NCOA2: variants seen among roughly 807,000 people sequenced by gnomAD.
The protein encoded by NCOA2 is class E basic helix-loop-helix protein 75.
NCOA2 carries 21 observed loss-of-function variants against 145.1 expected under a neutral mutation model. That is an observed-to-expected ratio of 0.14 (90% confidence interval 0.10 to 0.21). The LOEUF is 0.21. Among genes scored for constraint, NCOA2 ranks in the 10% least tolerant of loss-of-function variants. The pLI is 1.00. For synonymous variants in NCOA2, 619 were observed against 637.5 expected (o/e 0.97, Z 0.44); for missense variants, 1,472 against 1,837.6 (o/e 0.80, Z 3.64).
chr8:70,400,653 G>GT, intron 1 of NCOA2, among the ~76,000 whole-genome samples: 1 of 152,040 alleles, frequency 6.6e-6, no homozygotes. Context: ...TACCTTCTCT[G>GT]TTTTTACTAT....
At chr8:70,159,244 T>TATATATATATATATATATATATATATA in intron 10 of NCOA2, among the ~76,000 whole-genome samples, 159 of 69,264 alleles carry the variant, frequency 2.3e-3, no homozygotes, top group Non-Finnish European at 3.8e-3. Flanking sequence ...ATATATATAT[T>TATATATATATATATATATATATATATA]TTTTTTTTTT....
chr8:70,253,338 G>A lies in NCOA2; in HGVS notation c.-19-36574C>T, dbSNP rs141097896. On this transcript the variant is annotated intron_variant, in intron 2 of 22. Transcript: ENST00000452400. ...CAAACACATATTCAGTACCAATGACGCATAAGGCACTAGGTCTCCAGAACA... is the reference window on the plus strand; with the variant it reads ...CAAACACATATTCAGTACCAATGACACATAAGGCACTAGGTCTCCAGAACA... Among the ~76,000 whole-genome samples, 9 of 152,078 alleles carry A rather than the reference G, an allele frequency of 5.9e-5. No homozygotes were observed. In the East Asian group the frequency reaches 1.2e-3, roughly 20 times the overall value.
chr8:70,252,786 T>G (rs557270566), intron 2 of NCOA2, among the ~76,000 whole-genome samples: 4 of 152,220 alleles, frequency 2.6e-5, no homozygotes, highest in Non-Finnish European at 5.9e-5. Context: ...ACAAATAGAA[T>G]TGTCGAAGAC....
At chr8:70,337,189 C>A (rs536562387) in intron 1 of NCOA2, among the ~76,000 whole-genome samples, 4 of 146,064 alleles carry the variant, frequency 2.7e-5, no homozygotes, top group African/African-American at 8.3e-5. Context: ...GCCTACCCAG[C>A]ACTGCTGAGG....
chr8:70,393,648 GCCAGGCCAGGTGTGC>G (rs1813403168), intron 1 of NCOA2, among the ~76,000 whole-genome samples: 2 of 152,252 alleles, frequency 1.3e-5, no homozygotes, highest in South Asian at 2.1e-4. Context: ...CACATGTAGG[GCCAGGCCAGGTGTGC>G]CCAGGCCCAG....
chr8:70,111,984 A>G lies in NCOA2; in HGVS notation c.*1648T>C. The G allele has an allele frequency of 4.5e-6, 1 of 220,978 alleles. No individual in the cohort carries two copies. Among genetic ancestry groups the G allele is most frequent in the Non-Finnish European group, 9.1e-6 (1 of 110,106 alleles). 13.7% of individuals were successfully genotyped at this position (220,978 alleles called of 1,614,324 possible). A position where few individuals can be genotyped will look rare whatever the true frequency, so the allele number is the denominator to read the frequency against. ...GTTTCTTGGTATTGGAGTTGTCTGAAACTGACACCTATTAATAAAAGATTT... is the reference window on the plus strand; with the variant it reads ...GTTTCTTGGTATTGGAGTTGTCTGAGACTGACACCTATTAATAAAAGATTT... On this transcript the variant is annotated 3_prime_UTR_variant, in exon 23 of 23. Transcript: ENST00000452400.
intron 16 of NCOA2, 139 bp from the exon 17 acceptor site, chr8:70,129,119 CT>C: frequency 1.2e-6 from 1 of 843,504 alleles, no homozygotes; most frequent in Non-Finnish European, 1.8e-6. Flanking sequence ...ACAAAGGTAC[CT>C]TTAGAGCTTG....
At chr8:70,447,683 T>TTTTTC in the NCOA2 span, among the ~76,000 whole-genome samples, 5 of 50,268 alleles carry the variant, frequency 9.9e-5, no homozygotes, top group African/African-American at 3.7e-4. Flanking sequence ...CTTTGTTTTC[T>TTTTTC]TTTTTTTTTT....
Position 70,126,716 on chromosome 8 carries a change from C to G in NCOA2, c.3916+97G>C, listed in dbSNP as rs973336546. ...CTGGTTAGCCAGATTCATCTGGGAGCCATGCAAAGAGCTGTGAGAGAGGAG... is the reference window on the plus strand; with the variant it reads ...CTGGTTAGCCAGATTCATCTGGGAGGCATGCAAAGAGCTGTGAGAGAGGAG... On this transcript the variant is annotated intron_variant, in intron 19 of 22. Coordinates refer to ENST00000452400, the MANE Select transcript of NCOA2 (RefSeq NM_006540.4). 4 of 1,029,772 alleles carry G rather than the reference C, an allele frequency of 3.9e-6. No homozygotes were observed. The African/African-American group carries it at 6.3e-5, about 16-fold the overall frequency. 63.8% of individuals were successfully genotyped at this position (1,029,772 alleles called of 1,614,324 possible).
intron 1 of NCOA2, among the ~76,000 whole-genome samples, chr8:70,323,252 T>C (rs1251647296): frequency 6.6e-6 from 1 of 152,188 alleles, no homozygotes; most frequent in Non-Finnish European, 1.5e-5. Flanking sequence ...GTTTACCATC[T>C]AGAGGAAACA....
At chr8:70,245,217 C>T (rs1043112783) in intron 2 of NCOA2, 1 of 152,092 alleles carries the variant, frequency 6.6e-6, no homozygotes, top group African/African-American at 2.4e-5. Context: ...ATGCTGAGCA[C>T]CCCGCCGCTT....
chr8:70,150,019 TAACATC>T (rs1395087161), intron 11 of NCOA2, among the ~76,000 whole-genome samples: 1 of 152,254 alleles, frequency 6.6e-6, no homozygotes. Context: ...ACAGCAAATT[TAACATC>T]CATATGAGAT....
intron 3 of NCOA2, 123 bp from the exon 4 acceptor site, chr8:70,214,198 T>G: frequency 2.2e-6 from 2 of 924,794 alleles, no homozygotes; most frequent in Non-Finnish European, 3.2e-6. Context: ...AACACAGAAA[T>G]ACTTTTGGGG....
chr8:70,333,828 G>C (rs866122746), intron 1 of NCOA2, among the ~76,000 whole-genome samples: 2 of 152,234 alleles, frequency 1.3e-5, no homozygotes, highest in African/African-American at 4.8e-5. Context: ...TTCTCTAAGA[G>C]TGGGTAACAC....
chr8:70,206,376 T>C (rs1224769097), intron 4 of NCOA2, among the ~76,000 whole-genome samples: 1 of 152,200 alleles, frequency 6.6e-6, no homozygotes, highest in African/African-American at 2.4e-5. Flanking sequence ...TCTAAGTCTA[T>C]TTAAATTATA....
chr8:70,361,968 C>T (rs544216067), intron 1 of NCOA2, among the ~76,000 whole-genome samples: 2 of 152,224 alleles, frequency 1.3e-5, no homozygotes, highest in African/African-American at 2.4e-5. Context: ...GCCGTATGGC[C>T]GCAGTATAAA....
At chr8:70,250,184 G>T (rs1208525539) in intron 2 of NCOA2, among the ~76,000 whole-genome samples, 1 of 151,672 alleles carries the variant, frequency 6.6e-6, no homozygotes, top group African/African-American at 2.4e-5. Context: ...TTGAGCTCAG[G>T]AGTTTGAGAC....
chr8:70,298,207 A>G (rs997239559), intron 1 of NCOA2, among the ~76,000 whole-genome samples: 2 of 152,246 alleles, frequency 1.3e-5, no homozygotes, highest in African/African-American at 4.8e-5. Flanking sequence ...CCAATAGCAC[A>G]AACAAGTTAA....
chr8:70,149,692 A>G (rs1455846447), intron 11 of NCOA2, among the ~76,000 whole-genome samples: 2 of 152,180 alleles, frequency 1.3e-5, no homozygotes, highest in African/African-American at 4.8e-5. Context: ...GATTTTACAG[A>G]TATTCTTTTA....
Sources: gnomAD v4.1 joint callset for allele counts (sites outside exome capture counted in the v4.1 genomes callset) on GRCh38, gnomAD v4.1.1 for gene constraint, MANE v1.5 for transcripts, NCBI Gene and HGNC (gene_info 2026-07-23, HGNC 2026-07-21) for gene names.